The following PRKN variants were observed in gnomAD, a reference collection of about 807,000 sequenced individuals.
The protein encoded by PRKN is E3 ubiquitin-protein ligase parkin.
Under a neutral mutation model 59.5 loss-of-function variants are expected in PRKN, and 56 were observed. The observed-to-expected ratio is 0.94, with a 90% confidence interval of 0.76 to 1.18. The LOEUF is 1.18. Among genes scored for constraint, PRKN ranks in the 50% most tolerant of loss-of-function variants. The pLI, the probability that PRKN is intolerant of heterozygous loss-of-function variation, is 0.00. For missense variants in PRKN, 657 were observed against 596.4 expected (o/e 1.10, Z -1.06); for synonymous variants, 250 against 222.1 (o/e 1.13, Z -1.12).
chr6:162,270,303 G>A (rs1015765391), intron 2 of PRKN: 2 of 152,166 alleles, frequency 1.3e-5, no homozygotes, highest in Non-Finnish European at 2.9e-5. Context: ...TGATAGATGA[G>A]AGCTAAGCTA....
intron 6 of PRKN, among the ~76,000 whole-genome samples, chr6:161,946,441 C>CTG (rs1779785490): frequency 1.3e-5 from 2 of 149,718 alleles, no homozygotes; most frequent in African/African-American, 4.9e-5. Flanking sequence ...CTCTCTCTCT[C>CTG]TCTCTCTCTC....
intron 2 of PRKN, among the ~76,000 whole-genome samples, chr6:162,425,654 G>C (rs1789203651): frequency 6.6e-6 from 1 of 151,896 alleles, no homozygotes; most frequent in Non-Finnish European, 1.5e-5. Context: ...ATACAACTAA[G>C]GGCAAAAGAA....
chr6:161,774,439 G>A (rs1789835430), intron 7 of PRKN, among the ~76,000 whole-genome samples: 1 of 149,222 alleles, frequency 6.7e-6, no homozygotes, highest in South Asian at 2.1e-4. Context: ...CACACGGCGT[G>A]GCTAGGCAGG....
chr6:162,219,612 AG>A (rs145790088), intron 3 of PRKN, among the ~76,000 whole-genome samples: 1,983 of 148,186 alleles, frequency 0.013, 38 homozygotes, highest in South Asian at 0.057. Flanking sequence ...CGCAGCATGG[AG>A]GAAAAAAAAA....
At chr6:162,119,107 T>C (rs1459046253) in intron 4 of PRKN, among the ~76,000 whole-genome samples, 1 of 152,212 alleles carries the variant, frequency 6.6e-6, no homozygotes, top group Non-Finnish European at 1.5e-5. Context: ...TTCAAAGATT[T>C]CCTTTAACAA....
Position 161,473,470 on chromosome 6 carries a change from C to T in PRKN, c.1083+75384G>A, listed in dbSNP as rs923073610. 7.3e-5 allele frequency among the ~76,000 whole-genome samples: 11 copies of T among 151,190 alleles called. No homozygotes were observed. Among genetic ancestry groups the T allele is most frequent in the African/African-American group, 2.7e-4 (11 of 41,110 alleles). ...GGACATTATGCTAAGTGAACTGAGC[C>T]AGACACAGGAAAAAGTACTGCATGA... On this transcript the variant is annotated intron_variant, in intron 9 of 11. Transcript: ENST00000366898. This position sits in a 1 kb window ranked among gnomAD's most constrained non-coding sequence, Gnocchi z 4.1.
chr6:162,604,697 C>CTT (rs35730217), intron 1 of PRKN, among the ~76,000 whole-genome samples: 24,974 of 135,088 alleles, frequency 0.18, 2,783 homozygotes, highest in East Asian at 0.48. Context: ...TTTCTCTCTC[C>CTT]TTTTTTTTTT....
chr6:162,510,858 G>A (rs898777412), intron 1 of PRKN, among the ~76,000 whole-genome samples: 1 of 152,060 alleles, frequency 6.6e-6, no homozygotes, highest in African/African-American at 2.4e-5. Context: ...AGAAAGCAGA[G>A]GTTGCGGTGA....
At chr6:162,387,853 C>T (rs1336229325) in intron 2 of PRKN, among the ~76,000 whole-genome samples, 1 of 152,184 alleles carries the variant, frequency 6.6e-6, no homozygotes, top group Non-Finnish European at 1.5e-5. Flanking sequence ...AGCAATGAAA[C>T]AAGGTGGCCT....
At chr6:162,467,979 G>C (rs1791513230) in intron 1 of PRKN, among the ~76,000 whole-genome samples, 1 of 152,164 alleles carries the variant, frequency 6.6e-6, no homozygotes, top group African/African-American at 2.4e-5. Context: ...TCAAATGCCA[G>C]CTGCACAGGT....
chr6:161,918,021 G>A (rs1019623414), intron 6 of PRKN, among the ~76,000 whole-genome samples: 1 of 152,202 alleles, frequency 6.6e-6, no homozygotes, highest in Non-Finnish European at 1.5e-5. Context: ...ATTTATAAGT[G>A]TGGAAACAGG....
chr6:161,843,700 A>C (rs564638180), intron 6 of PRKN, among the ~76,000 whole-genome samples: 1 of 152,252 alleles, frequency 6.6e-6, no homozygotes, highest in African/African-American at 2.4e-5. Flanking sequence ...TGAGGTAGAA[A>C]AATTGCTTGA....
In PRKN at chr6:161,711,098, C is replaced by T. The variant is rs187639305; in HGVS notation, c.871+74674G>A. On this transcript the variant is annotated intron_variant, in intron 7 of 11. Coordinates refer to ENST00000366898, the MANE Select transcript of PRKN (RefSeq NM_004562.3). ...ATCTAAAAACCTATCTTTTCAGACACTTAAAAAAATAGGCACAAGGAGAGG... is the reference window on the plus strand; with the variant it reads ...ATCTAAAAACCTATCTTTTCAGACATTTAAAAAAATAGGCACAAGGAGAGG... 7.9e-5 allele frequency among the ~76,000 whole-genome samples: 12 copies of T among 152,130 alleles called. No individual in the cohort carries two copies. The East Asian group carries it at 2.3e-3, about 29-fold the overall frequency.
intron 4 of PRKN, among the ~76,000 whole-genome samples, chr6:162,066,343 C>T (rs938131603): frequency 6.6e-5 from 10 of 152,126 alleles, no homozygotes; most frequent in Non-Finnish European, 1.0e-4. Context: ...CCTTTATTTT[C>T]TCTCTCTCTC....
intron 7 of PRKN, among the ~76,000 whole-genome samples, chr6:161,652,354 C>A: frequency 1.8e-5 from 2 of 108,512 alleles, no homozygotes; most frequent in South Asian, 4.7e-4. Flanking sequence ...GTACCTGGAA[C>A]ACCATTAATT....
chr6:162,644,342 T>C (rs984548446), intron 1 of PRKN, among the ~76,000 whole-genome samples: 1 of 152,112 alleles, frequency 6.6e-6, no homozygotes. Flanking sequence ...CACTTGGCAG[T>C]AGCAATCAGG....
At chr6:162,213,062 T>A (rs1057267048) in intron 3 of PRKN, among the ~76,000 whole-genome samples, 1 of 152,082 alleles carries the variant, frequency 6.6e-6, no homozygotes, top group Non-Finnish European at 1.5e-5. Context: ...GGAAAAAAAA[T>A]GAAGATATAA....
intron 2 of PRKN, among the ~76,000 whole-genome samples, chr6:162,379,194 T>C (rs1175729524): frequency 6.8e-6 from 1 of 147,306 alleles, no homozygotes; most frequent in Non-Finnish European, 1.5e-5. Context: ...TTAAGAACTG[T>C]TGAATTTGAG....
intron 7 of PRKN, among the ~76,000 whole-genome samples, chr6:161,687,753 G>A (rs1172002174): frequency 6.6e-6 from 1 of 152,006 alleles, no homozygotes; most frequent in Non-Finnish European, 1.5e-5. Flanking sequence ...ACCGCGCCGG[G>A]CCAAGATATA....
Sources: gnomAD v4.1 joint callset for allele counts (sites outside exome capture counted in the v4.1 genomes callset) on GRCh38, gnomAD v4.1.1 for gene constraint, Gnocchi (gnomAD v3.1) non-coding constraint, MANE v1.5 for transcripts, NCBI Gene and HGNC (gene_info 2026-07-23, HGNC 2026-07-21) for gene names.